The following CD8B2 variants were observed in gnomAD, a reference collection of about 807,000 sequenced individuals.
The protein encoded by CD8B2 is CD8B family member 2.
CD8B2 carries 11 observed loss-of-function variants against 23.7 expected under a neutral mutation model. The ratio of observed to expected loss-of-function variants is 0.46; its 90% confidence interval spans 0.29 to 0.77. CD8B2 has a LOEUF of 0.77. Among genes scored for constraint, CD8B2 ranks in the 30% least tolerant of loss-of-function variants. The pLI, the probability that CD8B2 is intolerant of heterozygous loss-of-function variation, is 0.09. For synonymous variants in CD8B2, 90 were observed against 109.3 expected, an observed-to-expected ratio of 0.82 and a Z score of 1.10; for missense variants, 197 against 270.5, an observed-to-expected ratio of 0.73 and a Z score of 1.91.
intron 3 of CD8B2, among the ~76,000 whole-genome samples, chr2:106,501,724 A>G (rs1256110662): frequency 6.6e-6 from 1 of 152,180 alleles, no homozygotes; most frequent in Non-Finnish European, 1.5e-5. Flanking sequence ...ATATGTATCT[A>G]TAAAAATTAC....
intron 5 of CD8B2, among the ~76,000 whole-genome samples, chr2:106,535,579 T>C (rs1375697558): frequency 6.6e-6 from 1 of 152,142 alleles, no homozygotes; most frequent in African/African-American, 2.4e-5. Context: ...ATCACCGTAA[T>C]ACAATTTTAA....
At chr2:106,541,174 A>T (rs1573355105) in intron 5 of CD8B2, among the ~76,000 whole-genome samples, 1 of 152,150 alleles carries the variant, frequency 6.6e-6, no homozygotes, top group Non-Finnish European at 1.5e-5. Context: ...GGTCTGCAGC[A>T]TGCCTGTTTG....
intron 3 of CD8B2, among the ~76,000 whole-genome samples, chr2:106,497,506 G>T (rs1217378098): frequency 6.6e-6 from 1 of 152,112 alleles, no homozygotes; most frequent in African/African-American, 2.4e-5. Flanking sequence ...CCTCAGCCCA[G>T]CAAAAGTCAC....
chr2:106,501,038 G>A (rs1371349546), intron 3 of CD8B2, among the ~76,000 whole-genome samples: 1 of 152,342 alleles, frequency 6.6e-6, no homozygotes, highest in Middle Eastern at 3.4e-3. Flanking sequence ...GGTGGGGACG[G>A]AAGTCAGTGC....
intron 5 of CD8B2, among the ~76,000 whole-genome samples, chr2:106,525,857 TAA>T (rs1679898574): frequency 1.3e-5 from 2 of 152,310 alleles, no homozygotes; most frequent in Admixed American, 6.5e-5. Context: ...AGATAAGATA[TAA>T]GAGTCCGCAG....
chr2:106,518,720 C>T (rs1679774064), intron 5 of CD8B2, among the ~76,000 whole-genome samples: 1 of 152,048 alleles, frequency 6.6e-6, no homozygotes, highest in South Asian at 2.1e-4. Flanking sequence ...TATCCTTTCT[C>T]CCTGTCTCCT....
intron 5 of CD8B2, among the ~76,000 whole-genome samples, chr2:106,523,900 T>G (rs1163647685): frequency 6.6e-6 from 1 of 152,200 alleles, no homozygotes; most frequent in Non-Finnish European, 1.5e-5. Flanking sequence ...GATGTGGTGA[T>G]CTGGTGAGTT....
chr2:106,490,881 T>C lies in CD8B2; in HGVS notation c.51T>C (p.His17=), dbSNP rs752937162. 52 of 1,573,216 alleles carry C rather than the reference T, an allele frequency of 3.3e-5. No individual in the cohort carries two copies. The highest frequency in any genetic ancestry group is 4.2e-5 in the Non-Finnish European group (49 of 1,158,976). The change falls in exon 2 of 6, where the codon CAT becomes CAC. Residue 17 remains histidine (H), a synonymous_variant. Transcript: ENST00000643224. ...GTTCTTGGCTTTTCCTAGTTCTCCA[T>C]GGCAACTCAGTCCTCCAGCAGACCC... The part of the protein sequence containing the change: ...LLLAAQLTVL[H]GNSVLQQTPA...
intron 1 of CD8B2, among the ~76,000 whole-genome samples, chr2:106,489,671 T>A (rs1322561258): frequency 1.3e-5 from 2 of 152,166 alleles, no homozygotes; most frequent in Non-Finnish European, 2.9e-5. Flanking sequence ...TTCTGATCCT[T>A]CTCCTTGAGA....
chr2:106,540,291 C>A (rs935400099), intron 5 of CD8B2, among the ~76,000 whole-genome samples: 2 of 152,088 alleles, frequency 1.3e-5, no homozygotes, highest in Admixed American at 6.5e-5. Flanking sequence ...GTGAGAAATT[C>A]GTATTTTCAT....
At position 106,490,965 on chromosome 2, in the gene CD8B2, C is replaced by T. The variant is rs2104549459; in HGVS notation, c.135C>T (p.Ile45=). 6.2e-7 allele frequency: 1 copy of T among 1,614,008 alleles called. No individual in the cohort carries two copies. Among genetic ancestry groups the T allele is most frequent in the Non-Finnish European group, 8.5e-7 (1 of 1,179,870 alleles). ...KMVMLSCEAK[I]SLSNMCIYWL... ...TGATGCTGTCCTGCGAGGCTAAAAT[C>T]TCCCTCAGTAACATGTGCATCTACT... The change falls in exon 2 of 6, where the codon ATC becomes ATT. Residue 45 remains isoleucine (I), a synonymous_variant. Transcript: ENST00000643224.
intron 5 of CD8B2, among the ~76,000 whole-genome samples, chr2:106,533,116 C>G (rs1444719478): frequency 6.6e-6 from 1 of 152,110 alleles, no homozygotes; most frequent in African/African-American, 2.4e-5. Flanking sequence ...GTGAAGCAGG[C>G]CCATGCTGGG....
intron 5 of CD8B2, among the ~76,000 whole-genome samples, chr2:106,525,184 C>T (rs1301679038): frequency 6.6e-6 from 1 of 152,098 alleles, no homozygotes; most frequent in Admixed American, 6.6e-5. Flanking sequence ...AATCAATGGG[C>T]CCAGGGTTTG....
chr2:106,522,286 T>C (rs1342025480), intron 5 of CD8B2: 1 of 152,184 alleles, frequency 6.6e-6, no homozygotes, highest in African/African-American at 2.4e-5. Context: ...ACATCAGAAT[T>C]TCTGGAATAA....
intron 5 of CD8B2, among the ~76,000 whole-genome samples, chr2:106,536,763 T>A (rs1409389763): frequency 6.6e-6 from 1 of 152,192 alleles, no homozygotes; most frequent in Non-Finnish European, 1.5e-5. Flanking sequence ...AAGGGCAGAT[T>A]CATCAATGTG....
At chr2:106,488,443 C>T (rs1281724029) in intron 1 of CD8B2, among the ~76,000 whole-genome samples, 2 of 151,890 alleles carry the variant, frequency 1.3e-5, no homozygotes, top group East Asian at 1.9e-4. Flanking sequence ...AAGTGGGTCC[C>T]GGGAAGAGCC....
At chr2:106,541,351 A>G (rs1049051187) in intron 5 of CD8B2, among the ~76,000 whole-genome samples, 2 of 152,112 alleles carry the variant, frequency 1.3e-5, no homozygotes, top group Non-Finnish European at 2.9e-5. Context: ...CCAAAACCAG[A>G]TTATTTCCCT....
chr2:106,527,387 C>G (rs1401794098), intron 5 of CD8B2, among the ~76,000 whole-genome samples: 1 of 152,204 alleles, frequency 6.6e-6, no homozygotes, highest in Non-Finnish European at 1.5e-5. Flanking sequence ...GTTTTCCCAT[C>G]CTTTCCAGAT....
chr2:106,505,831 C>T (rs1679494011), intron 5 of CD8B2, among the ~76,000 whole-genome samples: 1 of 152,134 alleles, frequency 6.6e-6, no homozygotes, highest in African/African-American at 2.4e-5. Flanking sequence ...GGCCAGACCT[C>T]TAGAAAGTTC....
Sources: gnomAD v4.1 joint callset for allele counts (sites outside exome capture counted in the v4.1 genomes callset) on GRCh38, gnomAD v4.1.1 for gene constraint, MANE v1.5 for transcripts, NCBI Gene and HGNC (gene_info 2026-07-23, HGNC 2026-07-21) for gene names.